The following PTPRN2 variants were observed in gnomAD, a reference collection of about 807,000 sequenced individuals.
PTPRN2 encodes receptor-type tyrosine-protein phosphatase N2.
PTPRN2 carries 74 observed loss-of-function variants against 118.8 expected under a neutral mutation model. The observed-to-expected ratio is 0.62, with a 90% CI of 0.52 to 0.76. The LOEUF (loss-of-function observed/expected upper bound fraction) is 0.76, where lower values mean the gene tolerates loss of function less well. PTPRN2 is among the 30% of genes least tolerant of loss of function. The probability of loss-of-function intolerance (pLI) is 0.00; values close to 1 mark genes in which losing one functional copy is unlikely to be tolerated. For synonymous variants in PTPRN2, 641 were observed against 608.0 expected (o/e 1.05, Z -0.80); for missense variants, 1,481 against 1,394.4 (o/e 1.06, Z -0.99).
chr7:157,879,354 C>G (rs2151282354), intron 12 of PTPRN2, among the ~76,000 whole-genome samples: 1 of 152,242 alleles, frequency 6.6e-6, no homozygotes, highest in African/African-American at 2.4e-5. Context: ...CACGCACACC[C>G]AAACACACAC....
chr7:158,558,476 G>C (rs377495642), intron 1 of PTPRN2, among the ~76,000 whole-genome samples: 2 of 152,102 alleles, frequency 1.3e-5, no homozygotes, highest in Non-Finnish European at 2.9e-5. Context: ...GTGCTGAGCA[G>C]TGAACACTGC....
intron 2 of PTPRN2, among the ~76,000 whole-genome samples, chr7:158,401,205 C>T (rs1436557555): frequency 2.4e-5 from 3 of 125,400 alleles, no homozygotes; most frequent in African/African-American, 9.5e-5. Flanking sequence ...GGGCTCCAAG[C>T]CCCTCAGACC....
At chr7:158,398,707 T>C (rs1812714894) in intron 2 of PTPRN2, among the ~76,000 whole-genome samples, 1 of 152,212 alleles carries the variant, frequency 6.6e-6, no homozygotes, top group African/African-American at 2.4e-5. Context: ...TAGCTGACTC[T>C]TGGTTTTCAT....
chr7:158,269,020 C>A (rs1262991508), intron 3 of PTPRN2, among the ~76,000 whole-genome samples: 3 of 152,196 alleles, frequency 2.0e-5, no homozygotes, highest in African/African-American at 7.2e-5. Flanking sequence ...ACACACTGAA[C>A]CTCCCCGGCT....
At chr7:158,330,301 T>A (rs1804108951) in intron 2 of PTPRN2, among the ~76,000 whole-genome samples, 1 of 110,312 alleles carries the variant, frequency 9.1e-6, no homozygotes, top group Non-Finnish European at 1.9e-5. Flanking sequence ...ACTCTCACCA[T>A]AAGAGCTGAC....
chr7:158,206,456 G>GT (rs1430982957), intron 3 of PTPRN2, among the ~76,000 whole-genome samples: 1 of 152,052 alleles, frequency 6.6e-6, no homozygotes, highest in Non-Finnish European at 1.5e-5. Context: ...TGGGCCTTGG[G>GT]TAAGACTCAG....
intron 11 of PTPRN2, among the ~76,000 whole-genome samples, chr7:158,069,479 T>C (rs1811042078): frequency 6.6e-6 from 1 of 152,130 alleles, no homozygotes; most frequent in Admixed American, 6.5e-5. Flanking sequence ...ATGACAGGCA[T>C]GGCCACCACA....
intron 2 of PTPRN2, among the ~76,000 whole-genome samples, chr7:158,410,102 T>C (rs1813917458): frequency 6.6e-6 from 1 of 152,122 alleles, no homozygotes; most frequent in South Asian, 2.1e-4. Flanking sequence ...TTCATCCGGG[T>C]GACCTCCACA....
intron 4 of PTPRN2, among the ~76,000 whole-genome samples, chr7:158,202,425 T>A (rs1426701141): frequency 6.6e-6 from 1 of 151,892 alleles, no homozygotes; most frequent in African/African-American, 2.4e-5. Flanking sequence ...AGGGACAGCA[T>A]GAGAGGGAGT....
chr7:158,527,756 G>A (rs537560027), intron 1 of PTPRN2, among the ~76,000 whole-genome samples: 2 of 152,232 alleles, frequency 1.3e-5, no homozygotes, highest in East Asian at 3.9e-4. Flanking sequence ...GAGTAGAATT[G>A]TCTGTGTACA....
chr7:158,328,482 G>A (rs1241612725), intron 2 of PTPRN2, among the ~76,000 whole-genome samples: 1 of 152,232 alleles, frequency 6.6e-6, no homozygotes, highest in Non-Finnish European at 1.5e-5. Context: ...GAGTGACAGT[G>A]CCTGGGAGCG....
intron 11 of PTPRN2, among the ~76,000 whole-genome samples, chr7:157,931,550 C>T (rs531106863): frequency 6.6e-6 from 1 of 152,322 alleles, no homozygotes; most frequent in African/African-American, 2.4e-5. Context: ...AGGCACATGC[C>T]TTCGTGTGGG....
At chr7:158,262,829 TCA>T (rs1298047943) in intron 3 of PTPRN2, among the ~76,000 whole-genome samples, 15 of 123,752 alleles carry the variant, frequency 1.2e-4, no homozygotes, top group African/African-American at 4.0e-4. Flanking sequence ...CTGCACACAT[TCA>T]CACACTACAC....
intron 6 of PTPRN2, among the ~76,000 whole-genome samples, chr7:158,150,600 C>T (rs761958023): frequency 2.6e-5 from 4 of 152,200 alleles, no homozygotes; most frequent in Non-Finnish European, 5.9e-5. Context: ...ATGGAAAGAC[C>T]TTTTCTCCTT....
intron 12 of PTPRN2, among the ~76,000 whole-genome samples, chr7:157,774,801 G>A (rs1255385818): frequency 1.3e-5 from 2 of 152,202 alleles, no homozygotes; most frequent in African/African-American, 2.4e-5. Flanking sequence ...GGACCAGTCC[G>A]AGTGGGGAGG....
chr7:158,113,661 G>C (rs1409992681), intron 9 of PTPRN2, among the ~76,000 whole-genome samples: 4 of 152,200 alleles, frequency 2.6e-5, no homozygotes, highest in African/African-American at 9.7e-5. Context: ...ACTAGCTGGA[G>C]AGAGAGGGTA....
intron 5 of PTPRN2, among the ~76,000 whole-genome samples, chr7:158,190,941 C>T (rs534041065): frequency 5.3e-5 from 8 of 152,374 alleles, no homozygotes; most frequent in South Asian, 2.1e-4. Flanking sequence ...GGGCCAAGGC[C>T]GGGCCTTCCC....
intron 16 of PTPRN2, among the ~76,000 whole-genome samples, chr7:157,595,593 T>TTAGGAAACCAGGAG (rs1563245622): frequency 1.2e-4 from 9 of 72,076 alleles, no homozygotes; most frequent in African/African-American, 8.2e-4. Context: ...GGAAGCCTGG[T>TTAGGAAACCAGGAG]GTTTAGGAAG....
intron 2 of PTPRN2, among the ~76,000 whole-genome samples, chr7:158,345,305 A>T (rs939997464): frequency 1.7e-4 from 26 of 152,172 alleles, no homozygotes; most frequent in African/African-American, 6.3e-4. Context: ...TTTTTGTCTT[A>T]CTTTGGGTTT....
Sources: gnomAD v4.1 joint callset for allele counts (sites outside exome capture counted in the v4.1 genomes callset) on GRCh38, gnomAD v4.1.1 for gene constraint, MANE v1.5 for transcripts, NCBI Gene and HGNC (gene_info 2026-07-23, HGNC 2026-07-21) for gene names.